Variants in SLC25A16 observed in about 807,000 individuals in gnomAD.
SLC25A16 encodes mitochondrial coenzyme A transporter SLC25A16.
SLC25A16 carries 39 observed loss-of-function variants against 41.5 expected under a neutral mutation model. That is an observed-to-expected ratio of 0.94 (90% CI 0.73 to 1.23). The LOEUF (loss-of-function observed/expected upper bound fraction) is 1.23. SLC25A16 is among the 50% of genes most tolerant of loss of function. The pLI, the probability that SLC25A16 is intolerant of heterozygous loss-of-function variation, is 0.00. For synonymous variants in SLC25A16, 146 were observed against 147.8 expected, an observed-to-expected ratio of 0.99 and a Z score of 0.09; for missense variants, 421 against 426.9, an observed-to-expected ratio of 0.99 and a Z score of 0.12.
chr10:68,492,954 A>G (rs200660213), intron 6 of SLC25A16, among the ~76,000 whole-genome samples, 178 bp downstream of exon 6: 1 of 85,756 alleles, frequency 1.2e-5, no homozygotes, highest in Non-Finnish European at 2.2e-5. Flanking sequence ...TACTTCTCCA[A>G]TTATACACGA....
chr10:68,497,669 C>T (rs902307754), intron 4 of SLC25A16, among the ~76,000 whole-genome samples: 2 of 147,972 alleles, frequency 1.4e-5, no homozygotes, highest in East Asian at 2.0e-4. Flanking sequence ...CAAGCTGGAA[C>T]GCTGTGATGT....
rs61856474 is a variant in SLC25A16 at position 68,510,656 on chromosome 10, C to T, written c.224-3938G>A. Among the ~76,000 whole-genome samples the T allele has an allele frequency of 5.3e-5, 8 of 151,856 alleles. No individual in the cohort carries two copies. In the East Asian group the frequency reaches 1.4e-3, roughly 26 times the overall value. On this transcript the variant is annotated intron_variant, in intron 2 of 8. Transcript: ENST00000609923. ...GAGATCGAGACTATCCTGGCTAACACGGAAAAACTCCATCTCTACTAAAAA... is the reference window on the plus strand; with the variant it reads ...GAGATCGAGACTATCCTGGCTAACATGGAAAAACTCCATCTCTACTAAAAA...
chr10:68,488,366 T>G lies in SLC25A16; in HGVS notation c.773+101A>C, dbSNP rs2052599666. On this transcript the variant is annotated intron_variant, in intron 7 of 8. Transcript: ENST00000609923. ...AGACCTATATTTTGCAAGGATCCTC[T>G]TTTTGAATAATCTATTAGAAAAAAT... 3.5e-6 allele frequency: 3 copies of G among 861,104 alleles called. No individual in the cohort carries two copies. The Admixed American group carries it at 1.1e-4, about 30-fold the overall frequency. The allele number at this position is 861,104 out of a possible 1,614,324, so 53.3% of individuals were successfully genotyped here. A position where few individuals can be genotyped will look rare whatever the true frequency, so the allele number is the denominator to read the frequency against.
At chr10:68,519,022 G>A (rs1175113587) in intron 1 of SLC25A16, among the ~76,000 whole-genome samples, 3 of 150,632 alleles carry the variant, frequency 2.0e-5, no homozygotes, top group African/African-American at 7.3e-5. Context: ...GAGAAACCCT[G>A]TCTCTACTAA....
chr10:68,503,767 G>T, intron 3 of SLC25A16, 72 bp from the exon 4 acceptor site: 2 of 928,770 alleles, frequency 2.2e-6, no homozygotes, highest in South Asian at 1.4e-5. Context: ...TAATAATGAA[G>T]ATTTATTTCA....
At chr10:68,505,210 G>T (rs866103685) in intron 3 of SLC25A16, among the ~76,000 whole-genome samples, 1 of 152,174 alleles carries the variant, frequency 6.6e-6, no homozygotes, top group African/African-American at 2.4e-5. Flanking sequence ...TTAGCCGGGG[G>T]TGGTGGCACA....
intron 2 of SLC25A16, among the ~76,000 whole-genome samples, 158 bp from the exon 3 acceptor site, chr10:68,506,876 T>G (rs765956946): frequency 7.3e-5 from 11 of 150,992 alleles, no homozygotes; most frequent in East Asian, 3.9e-4. Context: ...TTAAACCTAC[T>G]AAAAATGCAT....
At chr10:68,504,620 G>A (rs543201961) in intron 3 of SLC25A16, among the ~76,000 whole-genome samples, 142 of 149,536 alleles carry the variant, frequency 9.5e-4, no homozygotes, top group Non-Finnish European at 1.6e-3. Flanking sequence ...CTTGTGATCC[G>A]CCCGCCTCGG....
chr10:68,497,519 T>A (rs1391492229), intron 4 of SLC25A16, among the ~76,000 whole-genome samples: 1 of 152,000 alleles, frequency 6.6e-6, no homozygotes, highest in African/African-American at 2.4e-5. Context: ...TGAGAAAAAA[T>A]TCAGTTATGA....
Position 68,527,500 on chromosome 10 carries a change from G to T in SLC25A16, c.-125C>A. 2 of 901,548 alleles carry T rather than the reference G, an allele frequency of 2.2e-6. No homozygotes were observed. The highest frequency in any genetic ancestry group is 1.6e-6 in the Non-Finnish European group (1 of 636,718). The allele number at this position is 901,548 out of a possible 1,614,324, so 55.8% of individuals were successfully genotyped here. A position where few individuals can be genotyped will look rare whatever the true frequency, so the allele number is the denominator to read the frequency against. ...CGGCGGGGCAAAGTAACACCCGGCG[G>T]CGCGGCGCCGGCTGATGGCGTACAG... On this transcript the variant is annotated 5_prime_UTR_variant, in exon 1 of 9. Coordinates refer to ENST00000609923, the MANE Select transcript of SLC25A16 (RefSeq NM_152707.4).
At chr10:68,483,690 C>CT (rs1446337039) in intron 8 of SLC25A16, 102 bp from the exon 9 acceptor site, 2 of 945,602 alleles carry the variant, frequency 2.1e-6, no homozygotes, top group African/African-American at 3.3e-5. Context: ...GACTCTTGCT[C>CT]TGTCACCCAG....
At chr10:68,504,416 C>T (rs889193707) in intron 3 of SLC25A16, among the ~76,000 whole-genome samples, 9 of 151,074 alleles carry the variant, frequency 6.0e-5, no homozygotes, top group Admixed American at 4.7e-4. Context: ...AATGTTGTTC[C>T]GATCTCTGCT....
chr10:68,511,328 T>G (rs1172196975), intron 2 of SLC25A16, among the ~76,000 whole-genome samples: 1 of 152,120 alleles, frequency 6.6e-6, no homozygotes, highest in Non-Finnish European at 1.5e-5. Context: ...TAGAGGACAC[T>G]CCAAAGACTA....
intron 3 of SLC25A16, 67 bp downstream of exon 3, chr10:68,506,518 G>C: frequency 9.3e-7 from 1 of 1,080,760 alleles, no homozygotes; most frequent in Non-Finnish European, 1.3e-6. Context: ...AATGTCCAAA[G>C]CAAATGCCTG....
chr10:68,510,134 C>G (rs1178383119), intron 2 of SLC25A16, among the ~76,000 whole-genome samples: 1 of 151,934 alleles, frequency 6.6e-6, no homozygotes, highest in Non-Finnish European at 1.5e-5. Context: ...GTCTTTGATG[C>G]CTTGGAAGTA....
intron 2 of SLC25A16, among the ~76,000 whole-genome samples, chr10:68,509,780 T>G (rs10998235): frequency 0.037 from 5,566 of 149,422 alleles, 121 homozygotes; most frequent in Middle Eastern, 0.051. Flanking sequence ...TAGATAGATA[T>G]ATAGATAGAT....
intron 8 of SLC25A16, 82 bp downstream of exon 8, chr10:68,487,062 G>T: frequency 1.9e-6 from 2 of 1,030,412 alleles, no homozygotes; most frequent in Non-Finnish European, 3.0e-6. Flanking sequence ...CAGACTATTG[G>T]TCAAACTAGA....
intron 8 of SLC25A16, among the ~76,000 whole-genome samples, chr10:68,486,811 G>A (rs2052571321): frequency 6.6e-6 from 1 of 151,558 alleles, no homozygotes; most frequent in African/African-American, 2.4e-5. Context: ...CAAAAAATTA[G>A]CCAGTCATGG....
At chr10:68,502,759 G>A (rs2052870759) in intron 4 of SLC25A16, among the ~76,000 whole-genome samples, 1 of 96,998 alleles carries the variant, frequency 1.0e-5, no homozygotes, top group Non-Finnish European at 2.1e-5. Context: ...GGAGAGGAGG[G>A]GAGGGGAGGG....
Sources: allele counts gnomAD v4.1 joint callset (sites outside exome capture counted in the v4.1 genomes callset), GRCh38; gene constraint gnomAD v4.1.1; transcripts MANE v1.5; gene names NCBI Gene and HGNC (gene_info 2026-07-23, HGNC 2026-07-21).